Variants in CYP46A1 observed in about 807,000 individuals in gnomAD.
CYP46A1 encodes the protein cholesterol 24-hydroxylase.
Under a neutral mutation model 63.3 loss-of-function variants are expected in CYP46A1, and 20 were observed. The ratio of observed to expected loss-of-function variants is 0.32; its 90% CI spans 0.22 to 0.46. The LOEUF (loss-of-function observed/expected upper bound fraction) is 0.46. Among genes scored for constraint, CYP46A1 ranks in the 20% least tolerant of loss-of-function variants. The pLI is 1.00. For synonymous variants in CYP46A1, 268 were observed against 273.6 expected, an observed-to-expected ratio of 0.98 and a Z score of 0.20; for missense variants, 445 against 670.8, an observed-to-expected ratio of 0.66 and a Z score of 3.72.
chr14:99,698,189 G>GC (rs2056601606), intron 3 of CYP46A1, among the ~76,000 whole-genome samples: 2 of 152,122 alleles, frequency 1.3e-5, no homozygotes, highest in Admixed American at 1.3e-4. Context: ...CTGCTTCCCA[G>GC]CACCCACAGG....
intron 5 of CYP46A1, among the ~76,000 whole-genome samples, chr14:99,701,931 G>A (rs570982309): frequency 1.3e-5 from 2 of 152,188 alleles, no homozygotes; most frequent in African/African-American, 4.8e-5. Flanking sequence ...TTAGCTGGGT[G>A]TGGTGGCGCA....
chr14:99,691,457 C>T, intron 2 of CYP46A1: 1 of 568,894 alleles, frequency 1.8e-6, no homozygotes, highest in South Asian at 2.3e-5. Context: ...TGGTGTGTCA[C>T]TTTTTTACAT....
intron 5 of CYP46A1, among the ~76,000 whole-genome samples, chr14:99,703,488 T>C (rs1343983300): frequency 1.3e-5 from 2 of 152,176 alleles, no homozygotes; most frequent in Non-Finnish European, 2.9e-5. Context: ...ACCCTCAGTC[T>C]GCCCCTAAAC....
At chr14:99,721,037 C>T (rs140581439) in intron 10 of CYP46A1, among the ~76,000 whole-genome samples, 1,805 of 152,232 alleles carry the variant, frequency 0.012, 29 homozygotes, top group African/African-American at 0.041. Flanking sequence ...TTGCAGTGAG[C>T]CGAGATCACA....
intron 3 of CYP46A1, among the ~76,000 whole-genome samples, chr14:99,698,170 A>G (rs1239421835): frequency 6.6e-6 from 1 of 151,996 alleles, no homozygotes; most frequent in Admixed American, 6.5e-5. Flanking sequence ...TAGTTGAGTC[A>G]TCCTCTTACT....
intron 7 of CYP46A1, chr14:99,712,875 A>AG (rs2056747492): frequency 6.6e-6 from 1 of 152,252 alleles, no homozygotes; most frequent in African/African-American, 2.4e-5. Context: ...TGGAGGCACC[A>AG]TACTACCCGA....
intron 1 of CYP46A1, among the ~76,000 whole-genome samples, chr14:99,688,003 G>T (rs1195481490): frequency 6.6e-6 from 1 of 151,708 alleles, no homozygotes; most frequent in African/African-American, 2.4e-5. Flanking sequence ...CCCTTTCTTG[G>T]TGGGCCATGA....
At chr14:99,691,942 T>C in intron 3 of CYP46A1, 81 bp downstream of exon 3, 1 of 1,396,890 alleles carries the variant, frequency 7.2e-7, no homozygotes. Context: ...CCAGAGACTT[T>C]GGATGAATGT....
intron 7 of CYP46A1, among the ~76,000 whole-genome samples, chr14:99,714,836 A>G (rs2056773439): frequency 6.6e-6 from 1 of 152,122 alleles, no homozygotes. Flanking sequence ...AAAGAATGAA[A>G]TCCTTACATT....
rs775275854 is a variant in CYP46A1, at chr14:99,726,307, G to A, written c.1332+51G>A. On this transcript the variant is annotated intron_variant, in intron 14 of 14. Coordinates refer to ENST00000261835, the MANE Select transcript of CYP46A1 (RefSeq NM_006668.2). ...GCCCAGGAGTAGCTGCAGGGGTGGG[G>A]GCTCATCCTGAGCCGGGAAGCATCT... 3.2e-6 allele frequency: 5 copies of A among 1,581,442 alleles called. No homozygotes were observed. The South Asian group carries it at 5.6e-5, about 18-fold the overall frequency.
chr14:99,695,352 C>T, intron 3 of CYP46A1: 1 of 343,676 alleles, frequency 2.9e-6, no homozygotes, highest in Non-Finnish European at 5.8e-6. Flanking sequence ...TTCTAATTTT[C>T]TGTCTACTTG....
chr14:99,715,739 G>A, intron 7 of CYP46A1, 71 bp from the exon 8 acceptor site: 2 of 1,599,204 alleles, frequency 1.3e-6, no homozygotes, highest in Non-Finnish European at 1.7e-6. Context: ...CGTCATTTCG[G>A]GGTGGTGGGG....
chr14:99,719,761 CT>C (rs55891116), intron 10 of CYP46A1, among the ~76,000 whole-genome samples: 94,477 of 118,050 alleles, frequency 0.8, 39,850 homozygotes, highest in South Asian at 0.94. Context: ...TTTTTCTTTT[CT>C]TTTTTTTTTT....
intron 1 of CYP46A1, among the ~76,000 whole-genome samples, chr14:99,690,559 C>T (rs1022466742): frequency 1.3e-5 from 2 of 152,200 alleles, no homozygotes; most frequent in African/African-American, 4.8e-5. Flanking sequence ...GGCTTCTTTA[C>T]AATTTGGTGA....
chr14:99,717,885 C>T (rs1310596295), intron 9 of CYP46A1, 169 bp from the exon 10 acceptor site: 6 of 542,832 alleles, frequency 1.1e-5, no homozygotes, highest in Non-Finnish European at 2.0e-5. Flanking sequence ...AGCACCTCCC[C>T]GGGCCAAGTG....
rs1595203797 is a variant in CYP46A1 at position 99,718,139 on chromosome 14, C to T, written c.980+13C>T. 6.2e-7 allele frequency: 1 copy of T among 1,612,362 alleles called. No homozygotes were observed. The highest frequency in any genetic ancestry group is 8.5e-7 in the Non-Finnish European group (1 of 1,178,652). On this transcript the variant is annotated intron_variant, in intron 10 of 14. Coordinates refer to ENST00000261835, the MANE Select transcript of CYP46A1 (RefSeq NM_006668.2). ...AGATCGTGGCAAGGTATGGGGGCTGCTCTTGGGGCTGGCAAAGAGGTCTGT... is the reference window on the plus strand; with the variant it reads ...AGATCGTGGCAAGGTATGGGGGCTGTTCTTGGGGCTGGCAAAGAGGTCTGT...
intron 10 of CYP46A1, 58 bp downstream of exon 10, chr14:99,718,184 G>A: frequency 6.7e-7 from 1 of 1,482,344 alleles, no homozygotes; most frequent in Non-Finnish European, 9.4e-7. Context: ...TGTTCCTGAG[G>A]GCCACCTGCC....
intron 5 of CYP46A1, among the ~76,000 whole-genome samples, chr14:99,703,157 AT>A (rs2056646545): frequency 6.6e-6 from 1 of 152,182 alleles, no homozygotes; most frequent in Admixed American, 6.5e-5. Flanking sequence ...GGGGCATTGT[AT>A]CAGGAGGCAC....
At position 99,699,551 on chromosome 14, in the gene CYP46A1, T is replaced by C. The variant is rs762880936; in HGVS notation, c.356+12T>C. On this transcript the variant is annotated intron_variant, in intron 4 of 14. Transcript: ENST00000261835. ...GTGTTTGGTGAGAGGTAAGGAGGTA[T>C]GGTGGAAGGCCTGGGTGGGAGGCCA... 4 of 1,613,956 alleles carry C rather than the reference T, an allele frequency of 2.5e-6. No homozygotes were observed. Among genetic ancestry groups the C allele is most frequent in the Non-Finnish European group, 3.4e-6 (4 of 1,179,942 alleles).
Sources: gnomAD v4.1 joint callset for allele counts (sites outside exome capture counted in the v4.1 genomes callset) on GRCh38, gnomAD v4.1.1 for gene constraint, MANE v1.5 for transcripts, NCBI Gene and HGNC (gene_info 2026-07-23, HGNC 2026-07-21) for gene names.